PDXDC1: variants seen among roughly 807,000 people sequenced by gnomAD.
PDXDC1 encodes pyridoxal-dependent decarboxylase domain-containing protein 1.
Under a neutral mutation model 100.1 loss-of-function variants are expected in PDXDC1, and 42 were observed. The ratio of observed to expected loss-of-function variants is 0.42; its 90% CI spans 0.33 to 0.54. The LOEUF is 0.54. PDXDC1 is among the 20% of genes least tolerant of loss of function. PDXDC1 has a pLI of 0.10. For missense variants in PDXDC1, 636 were observed against 979.2 expected (o/e 0.65, Z 4.68); for synonymous variants, 260 against 371.7 (o/e 0.70, Z 3.46).
intron 16 of PDXDC1, among the ~76,000 whole-genome samples, chr16:15,098,793 A>T (rs960280019): frequency 6.6e-6 from 1 of 151,478 alleles, no homozygotes; most frequent in African/African-American, 2.4e-5. Context: ...CAGGAGAATC[A>T]CTTGAACCTG....
intron 16 of PDXDC1, among the ~76,000 whole-genome samples, chr16:15,073,249 G>A (rs569793809): frequency 2.0e-5 from 3 of 152,140 alleles, no homozygotes; most frequent in African/African-American, 4.8e-5. Context: ...GAGGGAGCCC[G>A]GGAGTTCAAG....
At chr16:15,127,224 T>C (rs1319666897) in intron 16 of PDXDC1, 2 of 442,530 alleles carry the variant, frequency 4.5e-6, no homozygotes, top group East Asian at 5.0e-5. Context: ...GGCGTGCTGC[T>C]GTGCAGTTGT....
intron 16 of PDXDC1, among the ~76,000 whole-genome samples, chr16:15,129,109 G>A (rs2047917796): frequency 6.6e-6 from 1 of 151,684 alleles, no homozygotes; most frequent in Non-Finnish European, 1.5e-5. Context: ...CCGGCCGACA[G>A]TTTTTAAAAG....
At chr16:15,010,868 G>A (rs2041203143) in intron 8 of PDXDC1, among the ~76,000 whole-genome samples, 1 of 152,284 alleles carries the variant, frequency 6.6e-6, no homozygotes, top group Admixed American at 6.5e-5. Context: ...AAAATTTATG[G>A]ATAAATTTAA....
the PDXDC1 span, among the ~76,000 whole-genome samples, chr16:15,145,073 G>A: frequency 6.6e-6 from 1 of 152,140 alleles, no homozygotes; most frequent in African/African-American, 2.4e-5. Flanking sequence ...GGGCACAGAG[G>A]CTCAAGAGGC....
At chr16:15,061,487 T>C (rs1265890720) in intron 16 of PDXDC1, 4 of 394,584 alleles carry the variant, frequency 1.0e-5, no homozygotes, top group Non-Finnish European at 1.8e-5. Context: ...AACAAGCAAA[T>C]CCTTCCAAAT....
intron 16 of PDXDC1, chr16:15,136,093 C>G: frequency 6.3e-7 from 1 of 1,582,088 alleles, no homozygotes; most frequent in Non-Finnish European, 8.5e-7. Context: ...CACCTCCACC[C>G]GCTGCACAGT....
intron 16 of PDXDC1, 135 bp from the exon 17 acceptor site, chr16:15,031,600 T>G (rs1185044918): frequency 1.0e-5 from 7 of 671,164 alleles, no homozygotes; most frequent in Non-Finnish European, 1.8e-5. Flanking sequence ...GGGCCTTTTT[T>G]TGTTTAAATC....
At chr16:15,117,364 A>G (rs1480244039) in intron 16 of PDXDC1, among the ~76,000 whole-genome samples, 2 of 132,536 alleles carry the variant, frequency 1.5e-5, no homozygotes, top group African/African-American at 5.7e-5. Context: ...ACTTACACTT[A>G]AGGTTATATA....
chr16:15,006,136 T>A (rs1483166872), intron 5 of PDXDC1, among the ~76,000 whole-genome samples: 1 of 152,420 alleles, frequency 6.6e-6, no homozygotes, highest in Admixed American at 6.5e-5. Flanking sequence ...TGAGAATTCC[T>A]GGTCTCTACT....
intron 1 of PDXDC1, chr16:14,996,247 T>TA (rs1276781297): frequency 3.3e-6 from 1 of 301,504 alleles, no homozygotes; most frequent in Non-Finnish European, 6.6e-6. Context: ...TGGAATTTCT[T>TA]AAAAACAATT....
chr16:15,066,532 C>A (rs1421188112), intron 16 of PDXDC1, among the ~76,000 whole-genome samples: 5 of 151,686 alleles, frequency 3.3e-5, no homozygotes, highest in South Asian at 2.1e-4. Flanking sequence ...ATTCGGGAGG[C>A]TGAGGCAGGA....
chr16:15,087,662 A>G (rs984942043), intron 16 of PDXDC1, among the ~76,000 whole-genome samples: 3 of 152,222 alleles, frequency 2.0e-5, no homozygotes, highest in African/African-American at 7.2e-5. Context: ...TCATATGTCC[A>G]CAACTGTTAA....
intron 16 of PDXDC1, among the ~76,000 whole-genome samples, chr16:15,124,232 C>A (rs377680490): frequency 0.022 from 3,293 of 152,174 alleles, 50 homozygotes; most frequent in African/African-American, 0.047. Flanking sequence ...CAGGACAGAC[C>A]CCCACTGTCC....
chr16:15,051,168 C>G (rs962358392), intron 16 of PDXDC1, among the ~76,000 whole-genome samples: 3 of 152,252 alleles, frequency 2.0e-5, no homozygotes, highest in Non-Finnish European at 4.4e-5. Flanking sequence ...ATTTTTAACA[C>G]TCATGTTCAC....
intron 1 of PDXDC1, among the ~76,000 whole-genome samples, chr16:14,977,441 G>A (rs1185044680): frequency 1.6e-4 from 25 of 152,222 alleles, no homozygotes; most frequent in Admixed American, 1.6e-3. Flanking sequence ...CACCACACCC[G>A]ACTAATTTTT....
At chr16:15,086,239 C>G (rs2045912364) in intron 16 of PDXDC1, 1 of 1,583,526 alleles carries the variant, frequency 6.3e-7, no homozygotes, top group Non-Finnish European at 8.6e-7. Context: ...TGTTTGACTT[C>G]TATTCAACCA....
chr16:15,044,625 G>A, intron 16 of PDXDC1: 1 of 584,934 alleles, frequency 1.7e-6, no homozygotes, highest in Non-Finnish European at 3.0e-6. Flanking sequence ...TGACTGAGGG[G>A]ATCCGTATCT....
At chr16:15,147,440 G>A in the PDXDC1 span, among the ~76,000 whole-genome samples, 2 of 152,206 alleles carry the variant, frequency 1.3e-5, no homozygotes, top group Non-Finnish European at 2.9e-5. Flanking sequence ...ACCCTGCAGT[G>A]CCGTGATGAG....
Sources: allele counts gnomAD v4.1 joint callset (sites outside exome capture counted in the v4.1 genomes callset), GRCh38; gene constraint gnomAD v4.1.1; transcripts MANE v1.5; gene names NCBI Gene and HGNC (gene_info 2026-07-23, HGNC 2026-07-21).